Variants in PARVA observed in about 807,000 individuals in gnomAD.
PARVA encodes the protein alpha-parvin.
In PARVA, 25 loss-of-function variants were observed where a neutral mutation model predicts 52.6. The ratio of observed to expected loss-of-function variants is 0.48; its 90% CI spans 0.35 to 0.66. The LOEUF (loss-of-function observed/expected upper bound fraction) is 0.66. Among genes scored for constraint, PARVA ranks in the 30% least tolerant of loss-of-function variants. PARVA has a pLI of 0.01. For missense variants in PARVA, 373 were observed against 450.9 expected (o/e 0.83, Z 1.56); for synonymous variants, 185 against 179.1 (o/e 1.03, Z -0.26).
intron 4 of PARVA, among the ~76,000 whole-genome samples, chr11:12,482,030 ATGGT>A (rs1430221236): frequency 2.6e-5 from 4 of 151,472 alleles, no homozygotes; most frequent in Admixed American, 6.6e-5. Context: ...TTAGCCGGGC[ATGGT>A]GGTGCATGCT....
At chr11:12,388,009 T>TC (rs1420267344) in intron 1 of PARVA, among the ~76,000 whole-genome samples, 1 of 152,152 alleles carries the variant, frequency 6.6e-6, no homozygotes, top group Non-Finnish European at 1.5e-5. Flanking sequence ...CCCTGCCTAT[T>TC]CCATCCCCTC....
chr11:12,475,789 A>C (rs538967780), intron 3 of PARVA, among the ~76,000 whole-genome samples: 1 of 136,500 alleles, frequency 7.3e-6, no homozygotes, highest in East Asian at 2.6e-4. Context: ...CTGGATCACA[A>C]CCGGAGCCTC....
At chr11:12,400,985 TG>T (rs562949054) in intron 1 of PARVA, among the ~76,000 whole-genome samples, 100 of 152,320 alleles carry the variant, frequency 6.6e-4, no homozygotes, top group Non-Finnish European at 1.4e-3. Flanking sequence ...GAAGACTTTT[TG>T]AGGGCTCATT....
intron 12 of PARVA, among the ~76,000 whole-genome samples, chr11:12,522,661 C>T (rs1489097183): frequency 4.6e-5 from 7 of 151,842 alleles, no homozygotes; most frequent in Non-Finnish European, 1.0e-4. Context: ...TCAGGTGATC[C>T]GCCTGCCTCG....
rs112773194 is a variant in PARVA at position 12,452,740 on chromosome 11, C to T, written c.137-21005C>T. The T allele has an allele frequency of 6.9e-3, 1,653 of 237,844 alleles. 33 individuals are homozygous for T. Among genetic ancestry groups the T allele is most frequent in the African/African-American group, 0.034 (1,547 of 45,218 alleles). The allele number at this position is 237,844 out of a possible 1,614,324, so 14.7% of individuals were successfully genotyped here. On this transcript the variant is annotated intron_variant, in intron 1 of 12. Transcript: ENST00000334956. ...CTTCAGATTTCAGGTTGCCAAGAGG[C>T]GAGAGGCAGAATCCCGCTTGCTTTG... is the stretch of plus-strand genomic sequence containing the variant.
At chr11:12,392,441 G>A (rs1411135427) in intron 1 of PARVA, among the ~76,000 whole-genome samples, 3 of 151,800 alleles carry the variant, frequency 2.0e-5, no homozygotes, top group Non-Finnish European at 4.4e-5. Flanking sequence ...GCTAATTTTT[G>A]TATTTTTAGT....
chr11:12,505,916 A>C (rs181294039), intron 6 of PARVA, among the ~76,000 whole-genome samples: 3 of 152,344 alleles, frequency 2.0e-5, no homozygotes, highest in Non-Finnish European at 4.4e-5. Context: ...TTTTAGGTAC[A>C]TGTCACTATA....
chr11:12,389,060 C>G (rs556440629), intron 1 of PARVA, among the ~76,000 whole-genome samples: 9 of 152,242 alleles, frequency 5.9e-5, no homozygotes, highest in African/African-American at 1.7e-4. Flanking sequence ...AGTGATCCCT[C>G]TGATAGGTTG....
chr11:12,488,684 TAAA>T (rs1941193470), intron 4 of PARVA, among the ~76,000 whole-genome samples: 1 of 152,138 alleles, frequency 6.6e-6, no homozygotes, highest in African/African-American at 2.4e-5. Flanking sequence ...ACAGAACAAT[TAAA>T]AAGAAGTCTG....
chr11:12,501,275 CTATG>C (rs1300232325), intron 5 of PARVA, among the ~76,000 whole-genome samples: 2 of 151,528 alleles, frequency 1.3e-5, no homozygotes, highest in African/African-American at 4.9e-5. Flanking sequence ...ATATTTATAG[CTATG>C]TATATTACAC....
chr11:12,496,375 A>C, intron 4 of PARVA, 83 bp from the exon 5 acceptor site: 1 of 1,037,268 alleles, frequency 9.6e-7, no homozygotes, highest in Admixed American at 3.8e-5. Context: ...TGCATGAGAG[A>C]CCGAATAACT....
chr11:12,421,571 G>C (rs1940150350), intron 1 of PARVA, among the ~76,000 whole-genome samples: 1 of 152,194 alleles, frequency 6.6e-6, no homozygotes, highest in Non-Finnish European at 1.5e-5. Flanking sequence ...GCCTCTGTCA[G>C]CTGCCCACAT....
chr11:12,480,940 T>C (rs767759833), intron 4 of PARVA: 2 of 152,246 alleles, frequency 1.3e-5, no homozygotes, highest in Non-Finnish European at 2.9e-5. Flanking sequence ...AGGCAGAGTT[T>C]TGAGTGAGCA....
rs796672688 is a variant in PARVA, at chr11:12,384,033, AC to A, written c.136+6251del. Among the ~76,000 whole-genome samples the A allele has an allele frequency of 2.4e-4, 37 of 152,220 alleles. 1 individual carries two copies. Among genetic ancestry groups the A allele is most frequent in the African/African-American group, 8.4e-4 (35 of 41,528 alleles). On this transcript the variant is annotated intron_variant, in intron 1 of 12. Coordinates refer to ENST00000334956, the MANE Select transcript of PARVA (RefSeq NM_018222.5). ...CTGGCCAGTCCCACCCATATGTGCA[AC>A]TGTCTTTGTGCTCCCCACCTGCCCT... is the stretch of plus-strand genomic sequence containing the variant.
chr11:12,482,408 T>A (rs1220418353), intron 4 of PARVA, among the ~76,000 whole-genome samples: 1 of 151,778 alleles, frequency 6.6e-6, no homozygotes, highest in Admixed American at 6.6e-5. Context: ...AGGTGGATCA[T>A]GAGGTCAGGA....
intron 1 of PARVA, among the ~76,000 whole-genome samples, chr11:12,388,934 T>C (rs1287218609): frequency 6.6e-6 from 1 of 152,092 alleles, no homozygotes; most frequent in African/African-American, 2.4e-5. Context: ...TTACTTTGGG[T>C]AGAGTCCTAA....
intron 5 of PARVA, among the ~76,000 whole-genome samples, chr11:12,497,958 A>C (rs1941319088): frequency 6.6e-6 from 1 of 152,196 alleles, no homozygotes; most frequent in Admixed American, 6.5e-5. Context: ...CTCCAAAAAA[A>C]ACAAGTCAAA....
chr11:12,527,584 G>A (rs1941720052), intron 12 of PARVA, among the ~76,000 whole-genome samples: 1 of 152,132 alleles, frequency 6.6e-6, no homozygotes, highest in African/African-American at 2.4e-5. Context: ...GTTCTATGAT[G>A]GAGGTTGGAG....
intron 1 of PARVA, among the ~76,000 whole-genome samples, chr11:12,394,127 C>T (rs1363183888): frequency 3.9e-5 from 6 of 152,112 alleles, no homozygotes; most frequent in African/African-American, 1.4e-4. Context: ...TTATTATTTT[C>T]ATTTTTCAGA....
Sources: gnomAD v4.1 joint callset for allele counts (sites outside exome capture counted in the v4.1 genomes callset) on GRCh38, gnomAD v4.1.1 for gene constraint, MANE v1.5 for transcripts, NCBI Gene and HGNC (gene_info 2026-07-23, HGNC 2026-07-21) for gene names.